The following UBE2E2 variants were observed in gnomAD, a reference collection of about 807,000 sequenced individuals.
UBE2E2 encodes ubiquitin-conjugating enzyme E2 E2.
Under a neutral mutation model 24.7 loss-of-function variants are expected in UBE2E2, and 6 were observed. The ratio of observed to expected loss-of-function variants is 0.24; its 90% CI spans 0.13 to 0.48. The LOEUF is 0.48. UBE2E2 is among the 20% of genes least tolerant of loss of function. The pLI is 0.99. For missense variants in UBE2E2, 169 were observed against 245.0 expected (o/e 0.69, Z 2.07); for synonymous variants, 104 against 83.6 (o/e 1.24, Z -1.33).
intron 3 of UBE2E2, among the ~76,000 whole-genome samples, chr3:23,461,794 T>C (rs1056699274): frequency 1.3e-5 from 2 of 152,216 alleles, no homozygotes; most frequent in Non-Finnish European, 2.9e-5. Flanking sequence ...ATTTTGAATA[T>C]GAAGTTAACA....
intron 3 of UBE2E2, among the ~76,000 whole-genome samples, chr3:23,384,935 T>C (rs1471052884): frequency 6.6e-6 from 1 of 151,540 alleles, no homozygotes; most frequent in Non-Finnish European, 1.5e-5. Context: ...ATATTTCTTC[T>C]TTTTTTTTCT....
At chr3:23,357,088 G>C (rs1695977404) in intron 3 of UBE2E2, among the ~76,000 whole-genome samples, 1 of 152,134 alleles carries the variant, frequency 6.6e-6, no homozygotes, top group Non-Finnish European at 1.5e-5. Context: ...GCTTTGACCT[G>C]GCTTAAGTAT....
At chr3:23,467,197 T>C (rs1264610048) in intron 3 of UBE2E2, among the ~76,000 whole-genome samples, 7 of 152,256 alleles carry the variant, frequency 4.6e-5, no homozygotes, top group Non-Finnish European at 1.0e-4. Context: ...CAGTACTACC[T>C]GTGTTTATAA....
chr3:23,458,410 T>TGGTGGTGGTGGTGGG (rs1559389731), intron 3 of UBE2E2, among the ~76,000 whole-genome samples: 1 of 139,080 alleles, frequency 7.2e-6, no homozygotes, highest in Non-Finnish European at 1.5e-5. Flanking sequence ...GTGGTGGTGG[T>TGGTGGTGGTGGTGGG]GGTGGTGGTG....
intron 3 of UBE2E2, among the ~76,000 whole-genome samples, chr3:23,266,146 C>T (rs1217222129): frequency 6.6e-6 from 1 of 152,080 alleles, no homozygotes; most frequent in African/African-American, 2.4e-5. Context: ...GTCCATTTAC[C>T]TTTAAAGTTA....
At chr3:23,526,574 A>T (rs550105812) in intron 4 of UBE2E2, among the ~76,000 whole-genome samples, 1 of 152,292 alleles carries the variant, frequency 6.6e-6, no homozygotes, top group South Asian at 2.1e-4. Context: ...GTCCTACTGC[A>T]AGTATAGTAT....
chr3:23,459,246 A>G (rs1698756239), intron 3 of UBE2E2, among the ~76,000 whole-genome samples: 1 of 152,180 alleles, frequency 6.6e-6, no homozygotes, highest in African/African-American at 2.4e-5. Context: ...AGTTTTTGGA[A>G]TTTTTTTATG....
chr3:23,486,609 T>C (rs1347236541), intron 3 of UBE2E2, among the ~76,000 whole-genome samples: 1 of 152,098 alleles, frequency 6.6e-6, no homozygotes, highest in Non-Finnish European at 1.5e-5. Context: ...TTGTCCCACG[T>C]CTGGGAAGAA....
At chr3:23,311,428 A>G (rs1363936934) in intron 3 of UBE2E2, among the ~76,000 whole-genome samples, 1 of 152,220 alleles carries the variant, frequency 6.6e-6, no homozygotes, top group East Asian at 1.9e-4. Context: ...CCAGTTCCAG[A>G]TCCTTGAGGA....
At chr3:23,315,450 G>A (rs1389042563) in intron 3 of UBE2E2, among the ~76,000 whole-genome samples, 2 of 152,010 alleles carry the variant, frequency 1.3e-5, no homozygotes, top group Non-Finnish European at 2.9e-5. Context: ...TTCAACTACA[G>A]GATTTCTGCT....
At chr3:23,513,946 A>G (rs1218894648) in intron 4 of UBE2E2, among the ~76,000 whole-genome samples, 2 of 152,280 alleles carry the variant, frequency 1.3e-5, no homozygotes, top group Admixed American at 1.3e-4. Flanking sequence ...AACAGTCTCT[A>G]AGTTTCCTTT....
At chr3:23,276,751 A>G (rs934887838) in intron 3 of UBE2E2, among the ~76,000 whole-genome samples, 4 of 152,128 alleles carry the variant, frequency 2.6e-5, no homozygotes, top group African/African-American at 9.6e-5. Context: ...AAGATATTTC[A>G]GGATACTATT....
intron 3 of UBE2E2, among the ~76,000 whole-genome samples, chr3:23,288,791 G>A (rs1698684613): frequency 6.6e-6 from 1 of 151,954 alleles, no homozygotes; most frequent in South Asian, 2.1e-4. Context: ...CTGAGCAAAA[G>A]CAATTTGACA....
intron 4 of UBE2E2, among the ~76,000 whole-genome samples, chr3:23,508,709 A>C (rs1694514678): frequency 6.6e-6 from 1 of 152,188 alleles, no homozygotes; most frequent in Non-Finnish European, 1.5e-5. Flanking sequence ...CATGCCCTGG[A>C]GTTCCTATCT....
chr3:23,460,975 T>A (rs552891761), intron 3 of UBE2E2, among the ~76,000 whole-genome samples: 2 of 152,320 alleles, frequency 1.3e-5, no homozygotes, highest in South Asian at 2.1e-4. Context: ...ACCAGTAAGG[T>A]TTTCTTATTT....
chr3:23,488,053 C>T (rs541990029), intron 3 of UBE2E2, among the ~76,000 whole-genome samples: 2 of 151,580 alleles, frequency 1.3e-5, no homozygotes, highest in Admixed American at 1.3e-4. Flanking sequence ...AACTAGACAA[C>T]TGTATGAAGA....
chr3:23,360,746 C>G (rs1032103889), intron 3 of UBE2E2, among the ~76,000 whole-genome samples: 1 of 151,746 alleles, frequency 6.6e-6, no homozygotes, highest in Admixed American at 6.6e-5. Context: ...TGGAAGGTAG[C>G]CTTTTTGAAA....
In UBE2E2 at chr3:23,222,290, A is replaced by C. The variant is rs145790734; in HGVS notation, c.227+4978A>C. On this transcript the variant is annotated intron_variant, in intron 3 of 5. Transcript: ENST00000396703. ...TTGGTTCCATATTTTAGCTATTGTGAATGGTACTTGGGTAAACATGGAGGT... is the reference window on the plus strand; with the variant it reads ...TTGGTTCCATATTTTAGCTATTGTGCATGGTACTTGGGTAAACATGGAGGT... Among the ~76,000 whole-genome samples the C allele has an allele frequency of 5.1e-3, 775 of 152,304 alleles. 5 individuals carry two copies. The highest frequency in any genetic ancestry group is 0.018 in the African/African-American group (740 of 41,574).
chr3:23,310,301 T>C (rs1694339812), intron 3 of UBE2E2, among the ~76,000 whole-genome samples: 1 of 3,856 alleles, frequency 2.6e-4, no homozygotes. Context: ...AAGGCATGCC[T>C]TTTTTTTTTT....
Sources: allele counts gnomAD v4.1 joint callset (sites outside exome capture counted in the v4.1 genomes callset), GRCh38; gene constraint gnomAD v4.1.1; transcripts MANE v1.5; gene names NCBI Gene and HGNC (gene_info 2026-07-23, HGNC 2026-07-21).